PCDH11X: variants seen among roughly 807,000 people sequenced by gnomAD.
PCDH11X encodes the protein protocadherin-11 X-linked.
In PCDH11X, 18 loss-of-function variants were observed where a neutral mutation model predicts 53.3. The ratio of observed to expected loss-of-function variants is 0.34; its 90% CI spans 0.23 to 0.50. PCDH11X has a LOEUF of 0.50. Ranked by LOEUF, PCDH11X falls within the 20% of genes least tolerant of loss-of-function variation. The probability of loss-of-function intolerance (pLI) is 0.98; values close to 1 mark genes in which losing one functional copy is unlikely to be tolerated. For missense variants in PCDH11X, 570 were observed against 1,032.4 expected, an observed-to-expected ratio of 0.55 and a Z score of 6.14; for synonymous variants, 279 against 393.3, an observed-to-expected ratio of 0.71 and a Z score of 3.44.
At chrX:91,861,868 G>A (rs367607880) in intron 5 of PCDH11X, among the ~76,000 whole-genome samples, 2 of 111,304 alleles carry the variant, frequency 1.8e-5, no homozygotes, top group African/African-American at 3.3e-5. Flanking sequence ...TCACTCCACC[G>A]TGCTTTTCTC....
chrX:92,490,680 C>A (rs1285061265), intron 10 of PCDH11X, among the ~76,000 whole-genome samples: 1 of 105,188 alleles, frequency 9.5e-6, no homozygotes, highest in Non-Finnish European at 1.9e-5. Context: ...CACTATCATG[C>A]GTGCCCAGGA....
At chrX:91,978,697 C>A (rs1376007286) in intron 6 of PCDH11X, among the ~76,000 whole-genome samples, 1 of 111,558 alleles carries the variant, frequency 9.0e-6, no homozygotes, top group Non-Finnish European at 1.9e-5. Context: ...CAAACTTCCT[C>A]ATGGTATTTT....
intron 6 of PCDH11X, chrX:91,879,750 T>C (rs1287917152): frequency 1.3e-6 from 1 of 770,825 alleles, no homozygotes. Flanking sequence ...ACCAAGTTAT[T>C]CCCCCCATAC....
chrX:92,422,149 T>G (rs959580693), intron 9 of PCDH11X, among the ~76,000 whole-genome samples: 4 of 108,822 alleles, frequency 3.7e-5, no homozygotes, highest in Non-Finnish European at 7.6e-5. Flanking sequence ...TTTTTTTTTT[T>G]TTTAAATTTT....
At chrX:92,344,669 G>A (rs2069846064) in intron 8 of PCDH11X, among the ~76,000 whole-genome samples, 1 of 97,698 alleles carries the variant, frequency 1.0e-5, no homozygotes, top group African/African-American at 3.9e-5. Context: ...AATTAATGAT[G>A]CTTGATAAAG....
At chrX:91,899,540 A>G (rs2147781813) in intron 6 of PCDH11X, among the ~76,000 whole-genome samples, 1 of 108,884 alleles carries the variant, frequency 9.2e-6, no homozygotes, top group Non-Finnish European at 1.9e-5. Flanking sequence ...TTGTAAGTCC[A>G]CCCCTTTTCA....
At chrX:92,243,401 A>T (rs1425299541) in intron 7 of PCDH11X, among the ~76,000 whole-genome samples, 1 of 110,445 alleles carries the variant, frequency 9.1e-6, no homozygotes, top group Non-Finnish European at 1.9e-5. Context: ...CCTTTTCAAA[A>T]ATCGATCAGA....
chrX:91,876,687 A>G (rs1939631653), intron 5 of PCDH11X, 94 bp from the exon 6 acceptor site: 4 of 889,683 alleles, frequency 4.5e-6, no homozygotes, highest in East Asian at 5.2e-5. Flanking sequence ...AGATAAGCTA[A>G]CATAAGTTAA....
At chrX:92,261,740 T>C (rs1363173804) in intron 7 of PCDH11X, among the ~76,000 whole-genome samples, 1 of 112,304 alleles carries the variant, frequency 8.9e-6, no homozygotes, top group Non-Finnish European at 1.9e-5. Context: ...CTTGAGATTA[T>C]TTCTTTTGGA....
intron 10 of PCDH11X, among the ~76,000 whole-genome samples, chrX:92,492,687 GA>G (rs2073787826): frequency 9.2e-6 from 1 of 108,774 alleles, no homozygotes; most frequent in South Asian, 4.0e-4. Flanking sequence ...GTACAAAAAG[GA>G]ATGGAATGTA....
intron 9 of PCDH11X, among the ~76,000 whole-genome samples, chrX:92,463,179 A>G (rs1468770890): frequency 9.0e-6 from 1 of 110,668 alleles, no homozygotes; most frequent in Non-Finnish European, 1.9e-5. Flanking sequence ...TCTCTTAAGG[A>G]CTAAGTTAAA....
intron 8 of PCDH11X, among the ~76,000 whole-genome samples, chrX:92,345,503 C>T (rs1366679019): frequency 9.1e-6 from 1 of 110,039 alleles, no homozygotes; most frequent in Non-Finnish European, 1.9e-5. Context: ...GAAATATTCT[C>T]AACACAATCA....
intron 6 of PCDH11X, among the ~76,000 whole-genome samples, chrX:91,932,679 TG>T (rs2061401817): frequency 9.6e-6 from 1 of 104,103 alleles, no homozygotes; most frequent in African/African-American, 3.6e-5. Context: ...TGAGTGTGTG[TG>T]TGTGTGTGTG....
intron 8 of PCDH11X, among the ~76,000 whole-genome samples, chrX:92,351,290 T>C (rs1253203744): frequency 8.9e-6 from 1 of 111,890 alleles, no homozygotes; most frequent in South Asian, 3.7e-4. Flanking sequence ...ATTCTACGTC[T>C]CTTTGCTTTC....
At chrX:92,403,763 C>A (rs939213672) in intron 9 of PCDH11X, among the ~76,000 whole-genome samples, 6 of 111,204 alleles carry the variant, frequency 5.4e-5, no homozygotes, top group Non-Finnish European at 9.4e-5. Flanking sequence ...AAATAGAAGA[C>A]CTGATAATAA....
chrX:92,403,329 G>GTTTTTTTTTTTTTTT lies in PCDH11X; in HGVS notation c.3343+15405_3343+15406insTTTTTTTTTTTTTTT, dbSNP rs1178198433. 4.4e-4 allele frequency among the ~76,000 whole-genome samples: 26 copies of GTTTTTTTTTTTTTTT among 58,797 alleles called. 5 individuals are homozygous for GTTTTTTTTTTTTTTT. Among genetic ancestry groups the GTTTTTTTTTTTTTTT allele is most frequent in the African/African-American group, 1.3e-3 (17 of 12,798 alleles). The allele number at this position is 58,797 out of a possible 115,157, so 51.1% of individuals were successfully genotyped here. A position where few individuals can be genotyped will look rare whatever the true frequency, so the allele number is the denominator to read the frequency against. On this transcript the variant is annotated intron_variant, in intron 9 of 10. Transcript: ENST00000682573. ...CTGGGATATGTGTCCGGGCATTTAC[G>GTTTTTTTTTTTTTTT]TTTTTTTTTGTTTTTTTTTTTTTTT... is the stretch of plus-strand genomic sequence containing the variant.
intron 1 of PCDH11X, among the ~76,000 whole-genome samples, chrX:91,791,924 C>G (rs1455689243): frequency 2.0e-5 from 2 of 101,966 alleles, no homozygotes; most frequent in African/African-American, 7.2e-5. Context: ...TGCAGTGGCG[C>G]AATCTCGGCT....
intron 10 of PCDH11X, among the ~76,000 whole-genome samples, chrX:92,582,149 A>G (rs1178167041): frequency 2.2e-5 from 2 of 90,481 alleles, no homozygotes; most frequent in Non-Finnish European, 4.3e-5. Context: ...TTTTCTGAGG[A>G]GAAATTCAAG....
intron 10 of PCDH11X, among the ~76,000 whole-genome samples, chrX:92,495,594 G>T (rs2073846982): frequency 9.0e-6 from 1 of 110,556 alleles, no homozygotes; most frequent in South Asian, 3.9e-4. Context: ...TGGCATATCA[G>T]TAAACATTCG....
Sources: gnomAD v4.1 joint callset for allele counts (sites outside exome capture counted in the v4.1 genomes callset) on GRCh38, gnomAD v4.1.1 for gene constraint, MANE v1.5 for transcripts, NCBI Gene and HGNC (gene_info 2026-07-23, HGNC 2026-07-21) for gene names.